The following OLR1 variants were observed in gnomAD, a reference collection of about 807,000 sequenced individuals.
OLR1 encodes oxidized low-density lipoprotein receptor 1.
In OLR1, 23 loss-of-function variants were observed where a neutral mutation model predicts 31.7. The observed-to-expected ratio is 0.72, with a 90% CI of 0.52 to 1.03. The LOEUF is 1.03. Ranked by LOEUF, OLR1 falls within the 50% of genes least tolerant of loss-of-function variation. OLR1 has a pLI of 0.00. For synonymous variants in OLR1, 117 were observed against 115.8 expected (o/e 1.01, Z -0.07); for missense variants, 286 against 315.7 (o/e 0.91, Z 0.71).
chr12:10,162,881 G>A (rs1441262088), intron 3 of OLR1, among the ~76,000 whole-genome samples: 1 of 152,014 alleles, frequency 6.6e-6, no homozygotes, highest in Non-Finnish European at 1.5e-5. Flanking sequence ...AGACAGTCTG[G>A]GCAAGTTTTC....
At chr12:10,165,085 A>C (rs765396004) in intron 3 of OLR1, among the ~76,000 whole-genome samples, 4 of 152,142 alleles carry the variant, frequency 2.6e-5, no homozygotes, top group Admixed American at 6.5e-5. Flanking sequence ...CAACTTGGTG[A>C]AACACCATCT....
chr12:10,162,301 G>A (rs1948627241), intron 3 of OLR1, among the ~76,000 whole-genome samples: 1 of 152,142 alleles, frequency 6.6e-6, no homozygotes, highest in Non-Finnish European at 1.5e-5. Flanking sequence ...CATTCTCACT[G>A]TGGCATAAAA....
In OLR1 at chr12:10,159,761, G is replaced by T; in HGVS notation, c.*119C>A. 1.0e-6 allele frequency: 1 copy of T among 1,002,914 alleles called. No homozygotes were observed. The highest frequency in any genetic ancestry group is 1.4e-6 in the Non-Finnish European group (1 of 707,940). The allele number at this position is 1,002,914 out of a possible 1,614,324, so 62.1% of individuals were successfully genotyped here. On this transcript the variant is annotated 3_prime_UTR_variant, in exon 6 of 6. Transcript: ENST00000309539. ...ACCCCAGTTTCTGCAAAGGAGTTCT[G>T]CAGCCAGCTAAATGACAGTTTTCTG...
Position 10,159,309 on chromosome 12 carries a change from G to C in OLR1, c.*571C>G, listed in dbSNP as rs113230765. 8.0e-6 allele frequency: 1 copy of C among 125,040 alleles called. No individual in the cohort carries two copies. Among genetic ancestry groups the C allele is most frequent in the African/African-American group, 2.5e-5 (1 of 40,074 alleles). 7.7% of individuals were successfully genotyped at this position (125,040 alleles called of 1,614,324 possible). A position where few individuals can be genotyped will look rare whatever the true frequency, so the allele number is the denominator to read the frequency against. On this transcript the variant is annotated 3_prime_UTR_variant, in exon 6 of 6. Transcript: ENST00000309539. Reference sequence around the variant, plus strand: ...AAAATGTGTGTGTGTGTGTGTGTGTGTGTCTGTCTGTCTGTCTGTCCGTAA... The same window carrying C: ...AAAATGTGTGTGTGTGTGTGTGTGTCTGTCTGTCTGTCTGTCTGTCCGTAA...
chr12:10,166,433 C>T (rs1411525359), intron 3 of OLR1, among the ~76,000 whole-genome samples: 1 of 150,622 alleles, frequency 6.6e-6, no homozygotes, highest in Non-Finnish European at 1.5e-5. Context: ...GAGGCTGAGG[C>T]AAGAGAATCA....
chr12:10,171,323 G>A (rs545824609), intron 1 of OLR1, among the ~76,000 whole-genome samples: 29 of 152,206 alleles, frequency 1.9e-4, no homozygotes, highest in African/African-American at 7.0e-4. Context: ...AGAATAAAAG[G>A]CAATTTACCC....
chr12:10,162,332 A>C lies in OLR1; in HGVS notation c.425-1407T>G, dbSNP rs547677938. Reference sequence around the variant, plus strand: ...TAAAACCACTAAATAAATGTATAAGAGTAGGCTTTATCAGAGAGGAGAAAA... The same window carrying C: ...TAAAACCACTAAATAAATGTATAAGCGTAGGCTTTATCAGAGAGGAGAAAA... On this transcript the variant is annotated intron_variant, in intron 3 of 5. Coordinates refer to ENST00000309539, the MANE Select transcript of OLR1 (RefSeq NM_002543.4). Among the ~76,000 whole-genome samples the C allele has an allele frequency of 1.1e-4, 16 of 152,302 alleles. No homozygotes were observed. The South Asian group carries it at 3.3e-3, about 32-fold the overall frequency.
At position 10,171,877 on chromosome 12, in the gene OLR1, A is replaced by G. The variant is rs1948721780; in HGVS notation, c.76+125T>C. On this transcript the variant is annotated intron_variant, in intron 1 of 5. Transcript: ENST00000309539. ...AGCCTTCTTGTTTTTCTTTTAAGTA[A>G]ATGGTATTAATTCTATTTTCCCATA... 6.3e-6 allele frequency: 4 copies of G among 633,924 alleles called. No homozygotes were observed. In the East Asian group the frequency reaches 1.1e-4, roughly 17 times the overall value. 39.3% of individuals were successfully genotyped at this position (633,924 alleles called of 1,614,324 possible).
intron 2 of OLR1, among the ~76,000 whole-genome samples, chr12:10,168,588 G>A (rs565080332): frequency 1.3e-5 from 2 of 152,198 alleles, no homozygotes; most frequent in South Asian, 2.1e-4. Flanking sequence ...CCACCTCCCC[G>A]GTTCAAGCTA....
rs1286038381 is a variant in OLR1, at chr12:10,159,665, G to A, written c.*215C>T. 9.6e-6 allele frequency: 4 copies of A among 418,176 alleles called. No homozygotes were observed. The highest frequency in any genetic ancestry group is 1.7e-5 in the Non-Finnish European group (4 of 229,416). 25.9% of individuals were successfully genotyped at this position (418,176 alleles called of 1,614,324 possible). A position where few individuals can be genotyped will look rare whatever the true frequency, so the allele number is the denominator to read the frequency against. On this transcript the variant is annotated 3_prime_UTR_variant, in exon 6 of 6. Coordinates refer to ENST00000309539, the MANE Select transcript of OLR1 (RefSeq NM_002543.4). ...GACTTCAGGCTGGCAGGGAAGCTTG[G>A]GACAAGCTAGGTGAAATAATACAGG...
Position 10,159,787 on chromosome 12 carries a change from G to A in OLR1, c.*93C>T. On this transcript the variant is annotated 3_prime_UTR_variant, in exon 6 of 6. Coordinates refer to ENST00000309539, the MANE Select transcript of OLR1 (RefSeq NM_002543.4). ...CAGCCAGCTAAATGACAGTTTTCTG[G>A]GCTCTCATGTTTGGCACCCAAGTGA... is the stretch of plus-strand genomic sequence containing the variant. 3.9e-6 allele frequency: 5 copies of A among 1,293,854 alleles called. No individual in the cohort carries two copies. The highest frequency in any genetic ancestry group is 5.2e-6 in the Non-Finnish European group (5 of 954,612). The allele number at this position is 1,293,854 out of a possible 1,614,324, so 80.1% of individuals were successfully genotyped here. A position where few individuals can be genotyped will look rare whatever the true frequency, so the allele number is the denominator to read the frequency against.
chr12:10,169,944 T>A (rs1948696802), intron 1 of OLR1, among the ~76,000 whole-genome samples: 1 of 150,594 alleles, frequency 6.6e-6, no homozygotes, highest in African/African-American at 2.5e-5. Context: ...AAATCACAGA[T>A]ATTACTGGTT....
chr12:10,160,560 A>C (rs1338101283), intron 4 of OLR1, 98 bp from the exon 5 acceptor site: 2 of 1,069,164 alleles, frequency 1.9e-6, no homozygotes, highest in East Asian at 2.5e-5. Flanking sequence ...AAGAACCAAA[A>C]GGTATCTTTG....
intron 4 of OLR1, 145 bp from the exon 5 acceptor site, chr12:10,160,607 A>C: frequency 1.0e-6 from 1 of 977,090 alleles, no homozygotes; most frequent in South Asian, 1.5e-5. Flanking sequence ...CACTTACTGA[A>C]GGCTAGAGAT....
intron 3 of OLR1, among the ~76,000 whole-genome samples, chr12:10,162,488 A>G (rs1948628405): frequency 6.6e-6 from 1 of 152,208 alleles, no homozygotes; most frequent in Non-Finnish European, 1.5e-5. Context: ...CAAGCTTCTT[A>G]CTTCTTAGTT....
At chr12:10,165,965 C>T (rs1206484926) in intron 3 of OLR1, among the ~76,000 whole-genome samples, 6 of 151,880 alleles carry the variant, frequency 4.0e-5, no homozygotes, top group African/African-American at 1.5e-4. Context: ...AATCCCAGCA[C>T]TTTGGGAGGC....
rs774071114 is a variant in OLR1 at position 10,169,120 on chromosome 12, G to A, written c.132C>T (p.Val44=). The change falls in exon 2 of 6, where the codon GTC becomes GTT. Residue 44 remains valine, a synonymous_variant. Transcript: ENST00000309539. Reference sequence around the variant, plus strand: ...TGGTCACTACTAATCCCAGGCAAAGGACCCCTAGAGTCGCAGCAGCCAGGC... The same window carrying A: ...TGGTCACTACTAATCCCAGGCAAAGAACCCCTAGAGTCGCAGCAGCCAGGC... ...WWCLAAATLG[V]LCLGLVVTIM... 6.2e-7 allele frequency: 1 copy of A among 1,613,878 alleles called. No individual in the cohort carries two copies. Among genetic ancestry groups the A allele is most frequent in the Non-Finnish European group, 8.5e-7 (1 of 1,179,944 alleles).
intron 1 of OLR1, 131 bp from the exon 2 acceptor site, chr12:10,169,306 A>C (rs1028764988): frequency 4.7e-5 from 25 of 534,308 alleles, no homozygotes; most frequent in Non-Finnish European, 7.8e-5. Flanking sequence ...AATAGTTTGC[A>C]TTCCATACCA....
chr12:10,162,828 A>T (rs945966506), intron 3 of OLR1, among the ~76,000 whole-genome samples: 2 of 152,194 alleles, frequency 1.3e-5, no homozygotes, highest in Admixed American at 6.5e-5. Flanking sequence ...ACTCTGTCTC[A>T]AAAAATATAT....
Sources: gnomAD v4.1 joint callset for allele counts (sites outside exome capture counted in the v4.1 genomes callset) on GRCh38, gnomAD v4.1.1 for gene constraint, MANE v1.5 for transcripts, NCBI Gene and HGNC (gene_info 2026-07-23, HGNC 2026-07-21) for gene names.